The following RAB2A variants were observed in gnomAD, a reference collection of about 807,000 sequenced individuals.
The protein encoded by RAB2A is RAB2A, member RAS oncogene family.
Under a neutral mutation model 32.5 loss-of-function variants are expected in RAB2A, and 7 were observed. The ratio of observed to expected loss-of-function variants is 0.22; its 90% CI spans 0.12 to 0.40. The LOEUF is 0.40. RAB2A is among the 10% of genes least tolerant of loss of function. RAB2A has a pLI of 1.00. For synonymous variants in RAB2A, 79 were observed against 85.2 expected (o/e 0.93, Z 0.40); for missense variants, 108 against 260.7 (o/e 0.41, Z 4.03).
chr8:60,572,340 T>C (rs549116005), intron 3 of RAB2A, among the ~76,000 whole-genome samples: 3 of 152,312 alleles, frequency 2.0e-5, no homozygotes, highest in African/African-American at 7.2e-5. Context: ...GAGTGAATGT[T>C]CACGTTATGT....
intron 3 of RAB2A, among the ~76,000 whole-genome samples, chr8:60,576,527 A>G (rs1333177134): frequency 2.6e-5 from 4 of 152,224 alleles, no homozygotes; most frequent in African/African-American, 9.6e-5. Context: ...CATGTCTTAT[A>G]TCAAGTAAGT....
At chr8:60,543,581 AT>A (rs1371073780) in intron 1 of RAB2A, among the ~76,000 whole-genome samples, 21 of 152,170 alleles carry the variant, frequency 1.4e-4, no homozygotes, top group Non-Finnish European at 2.5e-4. Context: ...ATAAAGTCAC[AT>A]TCATGGTTCT....
At chr8:60,556,571 G>A (rs151023978) in intron 1 of RAB2A, among the ~76,000 whole-genome samples, 1 of 150,734 alleles carries the variant, frequency 6.6e-6, no homozygotes, top group African/African-American at 2.4e-5. Flanking sequence ...AGGCTAAGGT[G>A]GTAGGATCTC....
chr8:60,545,201 T>A (rs186651587), intron 1 of RAB2A, among the ~76,000 whole-genome samples: 5 of 134,022 alleles, frequency 3.7e-5, no homozygotes, highest in Non-Finnish European at 6.1e-5. Flanking sequence ...GTATTTCTTG[T>A]GAAGGACTCT....
At chr8:60,524,055 T>G (rs192744321) in intron 1 of RAB2A, among the ~76,000 whole-genome samples, 2 of 152,260 alleles carry the variant, frequency 1.3e-5, no homozygotes, top group African/African-American at 4.8e-5. Flanking sequence ...CCCCTAATAT[T>G]TATACCGTGC....
At chr8:60,591,595 G>A (rs1383631789) in intron 5 of RAB2A, 3 of 274,388 alleles carry the variant, frequency 1.1e-5, no homozygotes, top group Non-Finnish European at 2.1e-5. Flanking sequence ...TATTAGACTA[G>A]AGGCTCCCTT....
chr8:60,517,807 A>G (rs1411972205), intron 1 of RAB2A, among the ~76,000 whole-genome samples: 1 of 152,036 alleles, frequency 6.6e-6, no homozygotes. Flanking sequence ...ATATATATAC[A>G]TATATATAAA....
intron 5 of RAB2A, among the ~76,000 whole-genome samples, chr8:60,588,156 A>G (rs1038334467): frequency 1.3e-5 from 2 of 152,148 alleles, no homozygotes; most frequent in African/African-American, 2.4e-5. Context: ...GGTGGTACAT[A>G]CTTGTAGTCC....
chr8:60,562,583 A>G (rs1808040606), intron 2 of RAB2A, among the ~76,000 whole-genome samples: 1 of 152,182 alleles, frequency 6.6e-6, no homozygotes, highest in East Asian at 1.9e-4. Context: ...AATGTGCTCT[A>G]TACATTCACT....
intron 1 of RAB2A, chr8:60,558,606 A>T (rs1656948618): frequency 3.8e-6 from 2 of 531,088 alleles, no homozygotes; most frequent in South Asian, 3.5e-5. Context: ...TTTAGCTGCC[A>T]TATTTATCTT....
chr8:60,604,234 G>C lies in RAB2A; in HGVS notation c.474+12265G>C, dbSNP rs1303789744. 5.9e-5 allele frequency among the ~76,000 whole-genome samples: 9 copies of C among 152,180 alleles called. No homozygotes were observed. In the East Asian group the frequency reaches 1.5e-3, roughly 26 times the overall value. Reference sequence around the variant, plus strand: ...TAAGTTTCCTGAGGCCTCCCCAGAAGCTGAGCAGATACCACTATCATGCTT... The same window carrying C: ...TAAGTTTCCTGAGGCCTCCCCAGAACCTGAGCAGATACCACTATCATGCTT... On this transcript the variant is annotated intron_variant, in intron 6 of 7. Transcript: ENST00000262646.
chr8:60,547,562 G>A (rs2130821851), intron 1 of RAB2A, among the ~76,000 whole-genome samples: 1 of 151,110 alleles, frequency 6.6e-6, no homozygotes, highest in East Asian at 2.0e-4. Flanking sequence ...TGGGGCGGCT[G>A]GCTGGGCAGA....
intron 5 of RAB2A, among the ~76,000 whole-genome samples, chr8:60,590,962 G>C (rs1225020222): frequency 3.3e-5 from 5 of 152,032 alleles, no homozygotes; most frequent in African/African-American, 1.2e-4. Context: ...GAGACACACA[G>C]GTGGTGATTC....
At chr8:60,578,413 A>G (rs1383222882) in intron 3 of RAB2A, among the ~76,000 whole-genome samples, 2 of 152,226 alleles carry the variant, frequency 1.3e-5, no homozygotes, top group African/African-American at 4.8e-5. Context: ...TGAAAGAATT[A>G]GGGGCTTGAG....
At chr8:60,534,887 C>CA (rs11387732) in intron 1 of RAB2A, among the ~76,000 whole-genome samples, 36,023 of 151,940 alleles carry the variant, frequency 0.24, 4,324 homozygotes, top group Middle Eastern at 0.39. Context: ...GATATTTGTA[C>CA]AATAATAAGC....
chr8:60,549,880 GA>G (rs56003361), intron 1 of RAB2A, among the ~76,000 whole-genome samples: 23,101 of 139,618 alleles, frequency 0.17, 1,852 homozygotes, highest in East Asian at 0.29. Flanking sequence ...TCCTCCTTTT[GA>G]AAAAAAAAAA....
Position 60,622,507 on chromosome 8 carries a change from C to A in RAB2A, c.*1738C>A, listed in dbSNP as rs1223395322. On this transcript the variant is annotated 3_prime_UTR_variant, in exon 8 of 8. Coordinates refer to ENST00000262646, the MANE Select transcript of RAB2A (RefSeq NM_002865.3). ...GGCTGTATCAAATTCACTGGTCTTA[C>A]TAATCACTGTCTTTACCAGTGAGTA... The A allele has an allele frequency of 6.6e-6, 1 of 152,146 alleles. No individual in the cohort carries two copies. The highest frequency in any genetic ancestry group is 2.4e-5 in the African/African-American group (1 of 41,430). 9.4% of individuals were successfully genotyped at this position (152,146 alleles called of 1,614,324 possible).
intron 1 of RAB2A, among the ~76,000 whole-genome samples, chr8:60,518,763 T>C (rs1436719485): frequency 2.6e-5 from 4 of 152,092 alleles, no homozygotes; most frequent in Non-Finnish European, 5.9e-5. Flanking sequence ...GTGGTGTATT[T>C]GGAAGAAGGA....
intron 1 of RAB2A, among the ~76,000 whole-genome samples, chr8:60,553,292 C>T (rs1426882850): frequency 6.6e-6 from 1 of 152,178 alleles, no homozygotes; most frequent in African/African-American, 2.4e-5. Context: ...GCTAAAGTTG[C>T]TGTCCACAGG....
Sources: gnomAD v4.1 joint callset for allele counts (sites outside exome capture counted in the v4.1 genomes callset) on GRCh38, gnomAD v4.1.1 for gene constraint, MANE v1.5 for transcripts, NCBI Gene and HGNC (gene_info 2026-07-23, HGNC 2026-07-21) for gene names.